The following ALPK2 variants were observed in gnomAD, a reference collection of about 807,000 sequenced individuals.
ALPK2 encodes the protein alpha-protein kinase 2.
A neutral mutation model predicts 163.1 loss-of-function variants in ALPK2; 127 were observed. The observed-to-expected ratio is 0.78, with a 90% confidence interval of 0.67 to 0.90. The LOEUF is 0.90. ALPK2 is among the 40% of genes least tolerant of loss of function. The probability of loss-of-function intolerance (pLI) is 0.00; values close to 1 mark genes in which losing one functional copy is unlikely to be tolerated. For missense variants in ALPK2, 2,360 were observed against 2,589.6 expected, an observed-to-expected ratio of 0.91 and a Z score of 1.92; for synonymous variants, 953 against 959.1, an observed-to-expected ratio of 0.99 and a Z score of 0.12.
chr18:58,621,209 T>C (rs987063475), intron 1 of ALPK2, among the ~76,000 whole-genome samples: 21 of 150,164 alleles, frequency 1.4e-4, no homozygotes, highest in African/African-American at 5.1e-4. Flanking sequence ...TGCACTGATA[T>C]GGAATAATCT....
Position 58,536,656 on chromosome 18 carries a change from T to G in ALPK2, c.3531A>C (p.Ala1177=). The change falls in exon 5 of 13, where the codon GCA becomes GCC. Residue 1177 remains alanine (A), a synonymous_variant. Coordinates refer to ENST00000361673, the MANE Select transcript of ALPK2 (RefSeq NM_052947.4). ...GCTGCCCTGCTCCTTCCCTAGAGCT[T>G]GCGGGTGAGTGGGCCGTGGGCACCA... ...RNLVPTAHSP[A]SSREGAGQRS... The G allele has an allele frequency of 6.2e-7, 1 of 1,614,154 alleles. No individual in the cohort carries two copies. The highest frequency in any genetic ancestry group is 8.5e-7 in the Non-Finnish European group (1 of 1,180,018).
intron 12 of ALPK2, among the ~76,000 whole-genome samples, chr18:58,486,006 G>A (rs116508397): frequency 3.3e-4 from 51 of 152,290 alleles, no homozygotes; most frequent in African/African-American, 1.2e-3. Flanking sequence ...TCACCACTTC[G>A]TCCTGAAGCA....
At chr18:58,544,250 C>T (rs1229378769) in intron 4 of ALPK2, 1 of 152,184 alleles carries the variant, frequency 6.6e-6, no homozygotes, top group Non-Finnish European at 1.5e-5. Flanking sequence ...AATTGAAACC[C>T]CATTCAACAT....
rs576126970 is a variant in ALPK2 at position 58,583,737 on chromosome 18, CAAAAAAA to C, written c.228-3196_228-3190del. ...TGGATGGCAGAGCAAGACTTTGTCT[CAAAAAAA>C]AAAAAAAAAAGAAAGAAAGAAAAAG... On this transcript the variant is annotated intron_variant, in intron 3 of 12. Coordinates refer to ENST00000361673, the MANE Select transcript of ALPK2 (RefSeq NM_052947.4). Among the ~76,000 whole-genome samples, 15 of 119,618 alleles carry C rather than the reference CAAAAAAA, an allele frequency of 1.3e-4. 1 individual carries two copies. In the South Asian group the frequency reaches 3.8e-3, roughly 30 times the overall value. The allele number at this position is 119,618 out of a possible 152,430, so 78.5% of individuals were successfully genotyped here. A position where few individuals can be genotyped will look rare whatever the true frequency, so the allele number is the denominator to read the frequency against.
intron 4 of ALPK2, among the ~76,000 whole-genome samples, chr18:58,562,565 T>C (rs545339570): frequency 1.4e-4 from 22 of 152,312 alleles, no homozygotes; most frequent in Admixed American, 1.4e-3. Flanking sequence ...AAGCTATTTT[T>C]GACTACAGGG....
At position 58,498,073 on chromosome 18, in the gene ALPK2, A is replaced by T. The variant is rs777060616; in HGVS notation, c.6272T>A (p.Val2091Asp). Residue 2091 changes from valine (V) to aspartate (D), a missense_variant, in exon 12 of 13, where the codon GTT becomes GAT. Val to Asp is a radical substitution (Grantham distance 152, BLOSUM62 -3). Coordinates refer to ENST00000361673, the MANE Select transcript of ALPK2 (RefSeq NM_052947.4). ...CCCTTTAGCCAGCGTTGCTATGCCA[A>T]CGTCAGTTAGCTTCATTCCTACACC... Reference protein sequence around the residue: ...MQGVGMKLTDVGIATLAKGYK... With the variant: ...MQGVGMKLTDDGIATLAKGYK... 1.2e-6 allele frequency: 2 copies of T among 1,614,050 alleles called. No homozygotes were observed. The highest frequency in any genetic ancestry group is 2.7e-5 in the African/African-American group (2 of 74,930).
intron 4 of ALPK2, among the ~76,000 whole-genome samples, chr18:58,541,453 A>C (rs1047033108): frequency 5.9e-5 from 9 of 152,240 alleles, no homozygotes; most frequent in African/African-American, 2.2e-4. Context: ...ATTACATCTC[A>C]GTGCAAGATT....
intron 11 of ALPK2, among the ~76,000 whole-genome samples, chr18:58,501,654 C>T (rs911984242): frequency 3.9e-5 from 6 of 152,142 alleles, no homozygotes; most frequent in South Asian, 2.1e-4. Flanking sequence ...TCAGAAAATG[C>T]GGGTTGGAGT....
chr18:58,489,626 G>A (rs1479767088), intron 12 of ALPK2, among the ~76,000 whole-genome samples: 1 of 151,684 alleles, frequency 6.6e-6, no homozygotes, highest in East Asian at 2.0e-4. Flanking sequence ...GTTCGAGGCA[G>A]CAGTGAGCCA....
intron 3 of ALPK2, among the ~76,000 whole-genome samples, chr18:58,598,246 C>T (rs2052050971): frequency 6.6e-6 from 1 of 152,276 alleles, no homozygotes; most frequent in African/African-American, 2.4e-5. Context: ...GCTCCTCTCC[C>T]ATATGAGGGG....
chr18:58,536,057 T>G lies in ALPK2; in HGVS notation c.4130A>C (p.Glu1377Ala). Residue 1377 changes from glutamate (E) to alanine (A), a missense_variant, in exon 5 of 13, where the codon GAG becomes GCG. By Grantham distance (107) the Glu-to-Ala change is moderately radical. Transcript: ENST00000361673. ...GTGATCCATCTTGAGTTGTTTTTCC[T>G]CCTGGTCTTGACTCACATTGTTAAC... ...ENVNNVSQDQEEKQLKMDHTA... is the reference protein window; with the variant it reads ...ENVNNVSQDQAEKQLKMDHTA... 2 of 1,614,200 alleles carry G rather than the reference T, an allele frequency of 1.2e-6. No individual in the cohort carries two copies. The highest frequency in any genetic ancestry group is 1.7e-6 in the Non-Finnish European group (2 of 1,180,022).
chr18:58,588,138 T>G (rs796986594), intron 3 of ALPK2, among the ~76,000 whole-genome samples: 17 of 152,360 alleles, frequency 1.1e-4, no homozygotes, highest in African/African-American at 3.6e-4. Flanking sequence ...ATTTCCCATT[T>G]TATTACATGG....
In ALPK2 at chr18:58,559,238, G is replaced by T. The variant is rs192234414; in HGVS notation, c.1962+19576C>A. 1.0e-3 allele frequency among the ~76,000 whole-genome samples: 152 copies of T among 152,270 alleles called. 5 individuals are homozygous for T. In the East Asian group the frequency reaches 0.024, roughly 24 times the overall value. On this transcript the variant is annotated intron_variant, in intron 4 of 12. Coordinates refer to ENST00000361673, the MANE Select transcript of ALPK2 (RefSeq NM_052947.4). ...GAGACATTTTTGATAGCCACAACTG[G>T]GGTTGGGGTGAGGGGAAGAGATCGC...
At chr18:58,482,669 C>G (rs111908152) in intron 12 of ALPK2, among the ~76,000 whole-genome samples, 27 of 152,314 alleles carry the variant, frequency 1.8e-4, no homozygotes, top group African/African-American at 6.5e-4. Context: ...GAACCTTTGT[C>G]TCCAGTAGGC....
intron 12 of ALPK2, among the ~76,000 whole-genome samples, chr18:58,484,500 A>T (rs1221736922): frequency 3.3e-5 from 5 of 152,192 alleles, no homozygotes; most frequent in African/African-American, 1.2e-4. Context: ...GTGAATAATA[A>T]TAATGCCCAC....
chr18:58,533,890 A>G (rs1325141319), intron 5 of ALPK2, among the ~76,000 whole-genome samples: 1 of 152,232 alleles, frequency 6.6e-6, no homozygotes, highest in African/African-American at 2.4e-5. Flanking sequence ...TGGGAATAAC[A>G]AACGCCAGCC....
chr18:58,507,496 G>T (rs2051467728), intron 10 of ALPK2, among the ~76,000 whole-genome samples: 1 of 152,214 alleles, frequency 6.6e-6, no homozygotes, highest in Non-Finnish European at 1.5e-5. Flanking sequence ...TGCCCATGTG[G>T]TTCCTTTCTC....
chr18:58,580,493 T>C lies in ALPK2; in HGVS notation c.283A>G (p.Met95Val). The C allele has an allele frequency of 6.2e-7, 1 of 1,614,174 alleles. No individual in the cohort carries two copies. Among genetic ancestry groups the C allele is most frequent in the African/African-American group, 1.3e-5 (1 of 75,052 alleles). Residue 95 changes from methionine (M) to valine (V), a missense_variant, in exon 4 of 13, where the codon ATG becomes GTG. Coordinates refer to ENST00000361673, the MANE Select transcript of ALPK2 (RefSeq NM_052947.4). The stretch of plus-strand genomic sequence containing the variant: ...TCAACGGAAGCAGAACAACAGATCA[T>C]TCCAAAAGAGTTTTTAGCCGAGATT... The part of the protein sequence containing the change: ...YQISAKNSFG[M>V]ICCSASVEVE...
intron 10 of ALPK2, among the ~76,000 whole-genome samples, chr18:58,506,705 T>TATGA (rs755224027): frequency 3.4e-4 from 51 of 152,178 alleles, no homozygotes; most frequent in South Asian, 8.3e-4. Flanking sequence ...TTTGGCAAAA[T>TATGA]ATGAATGAAT....
Sources: gnomAD v4.1 joint callset for allele counts (sites outside exome capture counted in the v4.1 genomes callset) on GRCh38, gnomAD v4.1.1 for gene constraint, MANE v1.5 for transcripts, NCBI Gene and HGNC (gene_info 2026-07-23, HGNC 2026-07-21) for gene names.